Variants in ZFPM2 observed in about 807,000 individuals in gnomAD.
ZFPM2 encodes zinc finger protein, FOG family member 2.
In ZFPM2, 20 loss-of-function variants were observed where a neutral mutation model predicts 98.6. That is an observed-to-expected ratio of 0.20 (90% CI 0.14 to 0.29). ZFPM2 has a LOEUF of 0.29. ZFPM2 is among the 10% of genes least tolerant of loss of function. The pLI is 1.00. For missense variants in ZFPM2, 1,310 were observed against 1,388.6 expected, an observed-to-expected ratio of 0.94 and a Z score of 0.90; for synonymous variants, 518 against 502.7, an observed-to-expected ratio of 1.03 and a Z score of -0.41.
chr8:105,422,047 CAAAAAA>C (rs747630701), intron 2 of ZFPM2, among the ~76,000 whole-genome samples: 1 of 51,576 alleles, frequency 1.9e-5, no homozygotes, highest in African/African-American at 6.2e-5. Context: ...GACTCCATCT[CAAAAAA>C]AAAAAAAAAA....
intron 5 of ZFPM2, among the ~76,000 whole-genome samples, chr8:105,650,177 G>T (rs1348586239): frequency 6.6e-6 from 1 of 152,260 alleles, no homozygotes; most frequent in East Asian, 1.9e-4. Flanking sequence ...GGTGTTTATA[G>T]TATTCTCTGA....
At chr8:105,716,899 C>T (rs150423375) in intron 5 of ZFPM2, among the ~76,000 whole-genome samples, 86 of 152,072 alleles carry the variant, frequency 5.7e-4, no homozygotes, top group African/African-American at 9.9e-4. Flanking sequence ...TCATCAAAGT[C>T]GATTATTCTG....
chr8:105,471,816 C>T (rs1429519298), intron 3 of ZFPM2, among the ~76,000 whole-genome samples: 2 of 152,148 alleles, frequency 1.3e-5, no homozygotes, highest in African/African-American at 4.8e-5. Context: ...AATTATAACT[C>T]TATCAGAACA....
chr8:105,439,836 A>G (rs1310885796), intron 2 of ZFPM2, among the ~76,000 whole-genome samples: 12 of 152,210 alleles, frequency 7.9e-5, no homozygotes, highest in Non-Finnish European at 1.8e-4. Flanking sequence ...TTTTGTATAC[A>G]TCCCTGAATT....
At chr8:105,756,181 G>A (rs1434227024) in intron 5 of ZFPM2, among the ~76,000 whole-genome samples, 2 of 152,092 alleles carry the variant, frequency 1.3e-5, no homozygotes, top group Non-Finnish European at 2.9e-5. Context: ...TGGTTTTCAT[G>A]ACTGTGCATG....
chr8:105,748,578 C>T (rs1812403737), intron 5 of ZFPM2, among the ~76,000 whole-genome samples: 1 of 151,976 alleles, frequency 6.6e-6, no homozygotes, highest in Non-Finnish European at 1.5e-5. Context: ...TTGAAAGGTA[C>T]ATTGATGATT....
intron 2 of ZFPM2, among the ~76,000 whole-genome samples, chr8:105,424,176 A>AAACT (rs1811860164): frequency 6.6e-6 from 1 of 152,182 alleles, no homozygotes; most frequent in Non-Finnish European, 1.5e-5. Context: ...AACCCCAAAG[A>AAACT]AACTACATGT....
At chr8:105,465,088 C>A (rs1317670268) in intron 3 of ZFPM2, among the ~76,000 whole-genome samples, 1 of 151,622 alleles carries the variant, frequency 6.6e-6, no homozygotes, top group East Asian at 1.9e-4. Context: ...GAAAATTTCA[C>A]TTTCACTGAG....
chr8:105,393,247 A>C (rs1338709116), intron 1 of ZFPM2, among the ~76,000 whole-genome samples: 1 of 152,158 alleles, frequency 6.6e-6, no homozygotes, highest in Non-Finnish European at 1.5e-5. Flanking sequence ...AGCCTAATAA[A>C]AATAGCTGAA....
At chr8:105,791,088 C>T (rs1813596160) in intron 6 of ZFPM2, among the ~76,000 whole-genome samples, 1 of 152,158 alleles carries the variant, frequency 6.6e-6, no homozygotes, top group South Asian at 2.1e-4. Context: ...TTATTTCCTT[C>T]TCCTGCCTAA....
At chr8:105,699,723 A>T (rs1466040974) in intron 5 of ZFPM2, among the ~76,000 whole-genome samples, 5 of 152,146 alleles carry the variant, frequency 3.3e-5, no homozygotes, top group African/African-American at 1.2e-4. Context: ...ATGGTTGCAA[A>T]GTGAGAAATA....
intron 3 of ZFPM2, among the ~76,000 whole-genome samples, chr8:105,510,347 C>T (rs563314802): frequency 1.6e-3 from 237 of 150,998 alleles, no homozygotes; most frequent in African/African-American, 5.4e-3. Flanking sequence ...ACACTACTTG[C>T]GACTATGTTC....
At chr8:105,712,107 G>T (rs1416891610) in intron 5 of ZFPM2, among the ~76,000 whole-genome samples, 2 of 151,952 alleles carry the variant, frequency 1.3e-5, no homozygotes, top group African/African-American at 2.4e-5. Context: ...TTGTTAACTG[G>T]GGGAAAAAGG....
Position 105,419,223 on chromosome 8 carries a change from T to G in ZFPM2, c.120T>G (p.Phe40Leu). ...EETDIISKGDFPLEESFSTEF... is the reference protein window; with the variant it reads ...EETDIISKGDLPLEESFSTEF... ...CAGACATCATCTCCAAAGGAGACTTTCCATTGGAGGAAAGCTTTTCCACAG... is the reference window on the plus strand; with the variant it reads ...CAGACATCATCTCCAAAGGAGACTTGCCATTGGAGGAAAGCTTTTCCACAG... The change falls in exon 2 of 8, where the codon TTT becomes TTG. Residue 40 changes from phenylalanine to leucine, a missense_variant. Physicochemically the swap from Phe to Leu is conservative, Grantham distance 22. Coordinates refer to ENST00000407775, the MANE Select transcript of ZFPM2 (RefSeq NM_012082.4). 1 of 1,613,720 alleles carries G rather than the reference T, an allele frequency of 6.2e-7. No individual in the cohort carries two copies. The highest frequency in any genetic ancestry group is 8.5e-7 in the Non-Finnish European group (1 of 1,179,722).
chr8:105,746,953 T>G (rs1160972506), intron 5 of ZFPM2, among the ~76,000 whole-genome samples: 2 of 152,074 alleles, frequency 1.3e-5, no homozygotes, highest in Non-Finnish European at 2.9e-5. Context: ...ATTTTGTTAT[T>G]TTCCTCTGAA....
intron 1 of ZFPM2, among the ~76,000 whole-genome samples, chr8:105,402,048 T>A (rs892792300): frequency 1.5e-4 from 23 of 152,106 alleles, no homozygotes; most frequent in African/African-American, 5.3e-4. Context: ...AATAATTTGT[T>A]AATATTCTCC....
intron 7 of ZFPM2, among the ~76,000 whole-genome samples, chr8:105,799,914 G>A (rs2131172607): frequency 6.6e-6 from 1 of 152,246 alleles, no homozygotes; most frequent in Admixed American, 6.5e-5. Flanking sequence ...TCAAGCTTTT[G>A]TCTTTGAACC....
intron 5 of ZFPM2, among the ~76,000 whole-genome samples, chr8:105,643,917 GTAAA>G (rs774465627): frequency 1.3e-5 from 2 of 152,146 alleles, no homozygotes; most frequent in Non-Finnish European, 2.9e-5. Flanking sequence ...ACCTGTTTTT[GTAAA>G]TAAAGTTTTA....
intron 5 of ZFPM2, among the ~76,000 whole-genome samples, chr8:105,635,504 T>C (rs1290277385): frequency 6.6e-6 from 1 of 152,194 alleles, no homozygotes; most frequent in Non-Finnish European, 1.5e-5. Flanking sequence ...TTATACTTTT[T>C]TCCTTCTATA....
Sources: allele counts gnomAD v4.1 joint callset (sites outside exome capture counted in the v4.1 genomes callset), GRCh38; gene constraint gnomAD v4.1.1; transcripts MANE v1.5; gene names NCBI Gene and HGNC (gene_info 2026-07-23, HGNC 2026-07-21).